Variants in URB1 observed in about 807,000 individuals in gnomAD.
URB1 encodes URB1 ribosome biogenesis factor.
URB1 carries 197 observed loss-of-function variants against 242.3 expected under a neutral mutation model. The ratio of observed to expected loss-of-function variants is 0.81; its 90% CI spans 0.72 to 0.91. The LOEUF (loss-of-function observed/expected upper bound fraction) is 0.91. URB1 is among the 40% of genes least tolerant of loss of function. The pLI is 0.00. For missense variants in URB1, 2,721 were observed against 2,860.5 expected (o/e 0.95, Z 1.11); for synonymous variants, 1,153 against 1,201.8 (o/e 0.96, Z 0.84).
At position 32,347,111 on chromosome 21, in the gene URB1, A is replaced by C. The variant is rs535558104; in HGVS notation, c.3713T>G (p.Leu1238Arg). 2 of 1,549,808 alleles carry C rather than the reference A, an allele frequency of 1.3e-6. No individual in the cohort carries two copies. Among genetic ancestry groups the C allele is most frequent in the East Asian group, 2.4e-5 (1 of 40,900 alleles). Residue 1238 changes from leucine to arginine, a missense_variant, in exon 22 of 39, where the codon CTC (leucine) becomes CGC (arginine). Physicochemically the swap from Leu to Arg is moderately radical, Grantham distance 102 (BLOSUM62 -2). Coordinates refer to ENST00000382751, the MANE Select transcript of URB1 (RefSeq NM_014825.3). Reference protein sequence around the residue: ...QAALSIAALLLQESCTHLLWF... With the variant: ...QAALSIAALLRQESCTHLLWF... ...CAGCAAGTGGGTGCAGCTCTCCTGG[A>C]GGAGCAGGGCAGCGATGCTGAGGGC...
intron 22 of URB1, among the ~76,000 whole-genome samples, chr21:32,346,638 A>G (rs550522308): frequency 6.6e-6 from 1 of 152,276 alleles, no homozygotes; most frequent in Non-Finnish European, 1.5e-5. Flanking sequence ...GGCACCCAAG[A>G]ACTCCTTCAA....
At chr21:32,379,255 C>T (rs990499560) in intron 4 of URB1, among the ~76,000 whole-genome samples, 1 of 152,228 alleles carries the variant, frequency 6.6e-6, no homozygotes, top group Non-Finnish European at 1.5e-5. Context: ...CACATCACTC[C>T]TCGTTTTGTA....
chr21:32,362,055 A>C (rs2033295408), intron 11 of URB1, 34 bp from the exon 12 acceptor site: 10 of 1,548,212 alleles, frequency 6.5e-6, no homozygotes, highest in Non-Finnish European at 8.7e-6. Flanking sequence ...CATTAGTTGT[A>C]GTCAACCACA....
At chr21:32,356,576 G>C (rs913757588) in intron 15 of URB1, among the ~76,000 whole-genome samples, 19 of 152,302 alleles carry the variant, frequency 1.2e-4, no homozygotes, top group African/African-American at 4.6e-4. Context: ...CCCTTAGCCT[G>C]TATGAAATTC....
At chr21:32,337,652 C>T in intron 26 of URB1, 138 bp from the exon 27 acceptor site, 2 of 581,890 alleles carry the variant, frequency 3.4e-6, no homozygotes, top group South Asian at 5.7e-5. Context: ...GGACTGCCAT[C>T]TAATCCCTTC....
At chr21:32,317,419 C>T (rs144551252) in intron 37 of URB1, among the ~76,000 whole-genome samples, 3 of 152,176 alleles carry the variant, frequency 2.0e-5, no homozygotes, top group Non-Finnish European at 4.4e-5. Context: ...ATAGCTACCC[C>T]CAGCCTCTTT....
intron 32 of URB1, among the ~76,000 whole-genome samples, chr21:32,323,753 G>A (rs1475603233): frequency 2.0e-5 from 3 of 152,054 alleles, no homozygotes; most frequent in Non-Finnish European, 2.9e-5. Context: ...CAGGAGGATC[G>A]CTTGAGCCCA....
intron 38 of URB1, among the ~76,000 whole-genome samples, chr21:32,315,560 G>A (rs1053337246): frequency 6.6e-6 from 1 of 152,158 alleles, no homozygotes; most frequent in Non-Finnish European, 1.5e-5. Context: ...CAAAATGCTA[G>A]GATTATAGGT....
chr21:32,384,820 A>T (rs1185221132), intron 2 of URB1, among the ~76,000 whole-genome samples: 1 of 151,904 alleles, frequency 6.6e-6, no homozygotes, highest in Non-Finnish European at 1.5e-5. Context: ...TCTCTACTAA[A>T]AATACAAAAA....
chr21:32,342,785 C>A (rs899145667), intron 24 of URB1, among the ~76,000 whole-genome samples: 1 of 152,110 alleles, frequency 6.6e-6, no homozygotes, highest in Non-Finnish European at 1.5e-5. Context: ...GTTCTCTTTC[C>A]CCCAGCATTT....
intron 15 of URB1, among the ~76,000 whole-genome samples, 196 bp downstream of exon 15, chr21:32,357,341 C>T (rs1270594001): frequency 6.6e-6 from 1 of 150,774 alleles, no homozygotes; most frequent in African/African-American, 2.4e-5. Flanking sequence ...AACATTTTTC[C>T]AATGCACCAG....
chr21:32,319,332 C>CCACT lies in URB1; in HGVS notation c.5673_5676dup (p.Glu1893SerfsTer12). 1 of 1,551,282 alleles carries CCACT rather than the reference C, an allele frequency of 6.4e-7. No homozygotes were observed. Among genetic ancestry groups the CCACT allele is most frequent in the Non-Finnish European group, 8.7e-7 (1 of 1,146,800 alleles). Reference sequence around the variant, plus strand: ...TGGCAAAGGCGCTGGCTCTCCCACTCCACTGCCTTGTCCCCCAGGTTGGTC... The same window carrying CCACT: ...TGGCAAAGGCGCTGGCTCTCCCACTCCACTCACTGCCTTGTCCCCCAGGTTGGTC... On this transcript the variant is annotated frameshift_variant, in exon 36 of 39. Transcript: ENST00000382751. LOFTEE classifies it high-confidence loss of function.
In URB1 at chr21:32,317,157, G is replaced by A. The variant is rs558166885; in HGVS notation, c.6035-92C>T. On this transcript the variant is annotated intron_variant, in intron 37 of 38. Transcript: ENST00000382751. ...GGGAGGTGTCAATGGGGGACACGAG[G>A]GGCGGCTTGCATGTCCTGAGCACCC... 2.2e-5 allele frequency: 32 copies of A among 1,436,024 alleles called. No homozygotes were observed. In the Admixed American group the frequency reaches 7.4e-4, roughly 33 times the overall value. 89.0% of individuals were successfully genotyped at this position (1,436,024 alleles called of 1,614,324 possible).
intron 12 of URB1, 68 bp from the exon 13 acceptor site, chr21:32,361,191 G>GAAAGAAAGAAAGAAAGA: frequency 1.1e-6 from 1 of 872,022 alleles, no homozygotes; most frequent in Non-Finnish European, 1.7e-6. Flanking sequence ...AAGAAAGAAA[G>GAAAGAAAGAAAGAAAGA]AAAGAAAGAA....
At chr21:32,323,328 T>A (rs529691959) in intron 32 of URB1, among the ~76,000 whole-genome samples, 2 of 152,336 alleles carry the variant, frequency 1.3e-5, no homozygotes, top group South Asian at 4.1e-4. Context: ...ACAAGCTATC[T>A]ACCCTTGGGA....
At chr21:32,325,015 AC>A (rs1231365805) in intron 31 of URB1, among the ~76,000 whole-genome samples, 4 of 152,096 alleles carry the variant, frequency 2.6e-5, no homozygotes, top group African/African-American at 9.7e-5. Context: ...GTAAGGAGAA[AC>A]CTTTCTCAAC....
chr21:32,326,670 G>A (rs2123551881), intron 30 of URB1, among the ~76,000 whole-genome samples: 1 of 152,280 alleles, frequency 6.6e-6, no homozygotes, highest in African/African-American at 2.4e-5. Context: ...TTAGAAGCGT[G>A]TGGCACTGCC....
chr21:32,312,425 C>A lies in URB1; in HGVS notation c.*2493G>T. The A allele has an allele frequency of 1.3e-6, 1 of 769,986 alleles. No homozygotes were observed. The highest frequency in any genetic ancestry group is 1.7e-6 in the Non-Finnish European group (1 of 583,934). 47.7% of individuals were successfully genotyped at this position (769,986 alleles called of 1,614,324 possible). On this transcript the variant is annotated 3_prime_UTR_variant, in exon 39 of 39. Transcript: ENST00000382751. ...TTCCCATCCAAGCTCCACTAACACC[C>A]GCCGGCTCCCCCAGATGTGATGGCA... is the stretch of plus-strand genomic sequence containing the variant.
At chr21:32,355,421 T>A in intron 16 of URB1, 28 bp downstream of exon 16, 1 of 1,537,580 alleles carries the variant, frequency 6.5e-7, no homozygotes. Context: ...TCTGAGCATG[T>A]TCCTTTATGT....
Sources: gnomAD v4.1 joint callset for allele counts (sites outside exome capture counted in the v4.1 genomes callset) on GRCh38, gnomAD v4.1.1 for gene constraint, MANE v1.5 for transcripts, NCBI Gene and HGNC (gene_info 2026-07-23, HGNC 2026-07-21) for gene names.